Variants in ALAS1 observed in about 807,000 individuals in gnomAD.
The protein encoded by ALAS1 is 5-aminolevulinate synthase, non-specific, mitochondrial.
Under a neutral mutation model 59.6 loss-of-function variants are expected in ALAS1, and 29 were observed. The ratio of observed to expected loss-of-function variants is 0.49; its 90% CI spans 0.36 to 0.66. The LOEUF is 0.66. Among genes scored for constraint, ALAS1 ranks in the 30% least tolerant of loss-of-function variants. ALAS1 has a pLI of 0.00. For missense variants in ALAS1, 690 were observed against 807.5 expected, an observed-to-expected ratio of 0.85 and a Z score of 1.76; for synonymous variants, 299 against 296.6, an observed-to-expected ratio of 1.01 and a Z score of -0.08.
chr3:52,198,663 C>G lies in ALAS1; in HGVS notation c.-209-9C>G. ...ACCCCTACCCTCATTTGTGCCCCTCCTTTCTCAGTTATGCCCAGTTCTTCC... is the reference window on the plus strand; with the variant it reads ...ACCCCTACCCTCATTTGTGCCCCTCGTTTCTCAGTTATGCCCAGTTCTTCC... On this transcript the variant is annotated splice_polypyrimidine_tract_variant and intron_variant, in intron 1 of 11. Transcript: ENST00000484952. The G allele has an allele frequency of 1.3e-6, 1 of 780,248 alleles. No individual in the cohort carries two copies. Among genetic ancestry groups the G allele is most frequent in the East Asian group, 2.7e-5 (1 of 37,494 alleles). 48.3% of individuals were successfully genotyped at this position (780,248 alleles called of 1,614,324 possible).
rs769089852 is a variant in ALAS1, at chr3:52,204,923, G to C, written c.800+8G>C. 3 of 1,609,162 alleles carry C rather than the reference G, an allele frequency of 1.9e-6. No individual in the cohort carries two copies. The highest frequency in any genetic ancestry group is 2.6e-6 in the Non-Finnish European group (3 of 1,175,894). On this transcript the variant is annotated splice_region_variant and intron_variant, in intron 6 of 11. Transcript: ENST00000484952. The stretch of plus-strand genomic sequence containing the variant: ...GGTGTGTGGGGCAGTTATGTAAGTA[G>C]CCCTTGGCTTTCAAATATTACTGTT...
rs775885258 is a variant in ALAS1, at chr3:52,199,201, C to G, written c.-32-9C>G. The G allele has an allele frequency of 1.2e-6, 2 of 1,613,190 alleles. No individual in the cohort carries two copies. Among genetic ancestry groups the G allele is most frequent in the Non-Finnish European group, 1.7e-6 (2 of 1,179,234 alleles). On this transcript the variant is annotated splice_polypyrimidine_tract_variant and intron_variant, in intron 2 of 11. Coordinates refer to ENST00000484952, the MANE Select transcript of ALAS1 (RefSeq NM_000688.6). ...ATTATTAACAACTGTTGATGTCACT[C>G]TTCATCAGTCTTTCCACAGGAGCCA...
chr3:52,203,438 G>A lies in ALAS1; in HGVS notation c.428-425G>A, dbSNP rs548570819. Among the ~76,000 whole-genome samples the A allele has an allele frequency of 4.6e-5, 7 of 152,282 alleles. No homozygotes were observed. In the South Asian group the frequency reaches 1.5e-3, roughly 32 times the overall value. The stretch of plus-strand genomic sequence containing the variant: ...TGCCTATAGTCCCATCTTCTCAGGA[G>A]GTTGAGGAGGGAGGATCGCTTGAAC... On this transcript the variant is annotated intron_variant, in intron 4 of 11. Transcript: ENST00000484952.
chr3:52,199,001 A>G (rs1037524848), intron 2 of ALAS1, among the ~76,000 whole-genome samples, 153 bp downstream of exon 2: 7 of 152,136 alleles, frequency 4.6e-5, no homozygotes, highest in Non-Finnish European at 1.0e-4. Context: ...GCCTTTGTGT[A>G]GCGCTGGAGA....
chr3:52,203,642 A>G (rs749602784), intron 4 of ALAS1, among the ~76,000 whole-genome samples: 3 of 152,204 alleles, frequency 2.0e-5, no homozygotes, highest in Non-Finnish European at 2.9e-5. Context: ...TTTATTGTTC[A>G]TTAAAGCTGG....
At chr3:52,202,135 A>G (rs1699198920) in intron 3 of ALAS1, among the ~76,000 whole-genome samples, 1 of 152,226 alleles carries the variant, frequency 6.6e-6, no homozygotes. Context: ...GGATAACCTG[A>G]GGTCAGGAGT....
intron 7 of ALAS1, 39 bp downstream of exon 7, chr3:52,206,062 G>A: frequency 6.5e-7 from 1 of 1,533,748 alleles, no homozygotes; most frequent in Non-Finnish European, 8.8e-7. Flanking sequence ...AGTTTTTTGG[G>A]TTTCTTAGTA....
intron 8 of ALAS1, among the ~76,000 whole-genome samples, chr3:52,207,682 T>C (rs1260149175): frequency 6.6e-6 from 1 of 152,178 alleles, no homozygotes; most frequent in Non-Finnish European, 1.5e-5. Flanking sequence ...CCCTTCTTTG[T>C]GTCCATGTGT....
chr3:52,207,242 A>T (rs1699313070), intron 8 of ALAS1, among the ~76,000 whole-genome samples: 1 of 152,050 alleles, frequency 6.6e-6, no homozygotes, highest in African/African-American at 2.4e-5. Context: ...TGACCTTGTG[A>T]TCTGCCCGCC....
At position 52,200,302 on chromosome 3, in the gene ALAS1, A is replaced by T. The variant is rs77223931; in HGVS notation, c.199+862A>T. ...TTTCATCTTCCCAAACTGAAATTCTATACCCATCAAACAGTAACTCTCCAT... is the reference window on the plus strand; with the variant it reads ...TTTCATCTTCCCAAACTGAAATTCTTTACCCATCAAACAGTAACTCTCCAT... On this transcript the variant is annotated intron_variant, in intron 3 of 11. Transcript: ENST00000484952. Among the ~76,000 whole-genome samples, 10 of 152,296 alleles carry T rather than the reference A, an allele frequency of 6.6e-5. No homozygotes were observed. The South Asian group carries it at 2.1e-3, about 32-fold the overall frequency.
chr3:52,206,553 A>G lies in ALAS1; in HGVS notation c.986-19A>G. 1 of 1,607,650 alleles carries G rather than the reference A, an allele frequency of 6.2e-7. No individual in the cohort carries two copies. Among genetic ancestry groups the G allele is most frequent in the Non-Finnish European group, 8.5e-7 (1 of 1,175,722 alleles). ...GTCTTCGATGCACATGGCAATAAAT[A>G]GCATTTTTGTTGTCTTAGGCTGTGA... On this transcript the variant is annotated intron_variant, in intron 7 of 11. Transcript: ENST00000484952.
chr3:52,212,309 C>T lies in ALAS1; in HGVS notation c.1651C>T (p.His551Tyr). 1.2e-6 allele frequency: 2 copies of T among 1,614,156 alleles called. No homozygotes were observed. The highest frequency in any genetic ancestry group is 1.7e-6 in the Non-Finnish European group (2 of 1,180,028). The change falls in exon 11 of 12, where the codon CAT becomes TAT. Residue 551 changes from histidine to tyrosine, a missense_variant. His to Tyr is a moderately conservative substitution (Grantham distance 83, BLOSUM62 2). Coordinates refer to ENST00000484952, the MANE Select transcript of ALAS1 (RefSeq NM_000688.6). Reference sequence around the variant, plus strand: ...AGTCTGTGATGAACTAATGAGCAGACATAACATCTACGTGCAAGCAATCAA... The same window carrying T: ...AGTCTGTGATGAACTAATGAGCAGATATAACATCTACGTGCAAGCAATCAA... ...TEVCDELMSR[H>Y]NIYVQAINYP...
At chr3:52,200,553 A>G (rs1699167018) in intron 3 of ALAS1, among the ~76,000 whole-genome samples, 1 of 152,208 alleles carries the variant, frequency 6.6e-6, no homozygotes, top group Non-Finnish European at 1.5e-5. Context: ...GCCTGGCCAC[A>G]TGGTGAAACC....
At chr3:52,207,875 A>C (rs1699326831) in intron 8 of ALAS1, among the ~76,000 whole-genome samples, 2 of 152,222 alleles carry the variant, frequency 1.3e-5, no homozygotes, top group Middle Eastern at 3.4e-3. Context: ...ACTTTTTTCT[A>C]ATAGATTTGG....
intron 11 of ALAS1, 124 bp downstream of exon 11, chr3:52,212,544 T>C (rs765877092): frequency 7.5e-7 from 1 of 1,331,114 alleles, no homozygotes; most frequent in Non-Finnish European, 1.1e-6. Context: ...TTAGTTTTTT[T>C]TTTGAGACAA....
At chr3:52,209,503 G>A (rs573183303) in intron 9 of ALAS1, among the ~76,000 whole-genome samples, 14 of 152,146 alleles carry the variant, frequency 9.2e-5, no homozygotes, top group African/African-American at 1.7e-4. Context: ...CACCACACCC[G>A]GCCAGAAGCT....
chr3:52,212,464 T>C (rs1373573234), intron 11 of ALAS1, 44 bp downstream of exon 11: 1 of 1,608,930 alleles, frequency 6.2e-7, no homozygotes. Context: ...AGGAGTTGCA[T>C]AAAGCTGTCT....
At position 52,204,872 on chromosome 3, in the gene ALAS1, T is replaced by C. The variant is rs776213053; in HGVS notation, c.757T>C (p.Tyr253His). 2 of 1,614,150 alleles carry C rather than the reference T, an allele frequency of 1.2e-6. No homozygotes were observed. The highest frequency in any genetic ancestry group is 2.2e-5 in the South Asian group (2 of 91,088). The change falls in exon 6 of 12, where the codon TAC becomes CAC. Residue 253 changes from tyrosine to histidine, a missense_variant. Transcript: ENST00000484952. ...KQVSVWCSNDYLGMSRHPRVC... is the reference protein window; with the variant it reads ...KQVSVWCSNDHLGMSRHPRVC... ...AGTGTCAGTCTGGTGCAGTAATGAC[T>C]ACCTAGGAATGAGTCGCCACCCACG...
At chr3:52,204,051 T>A (rs1413791163) in intron 5 of ALAS1, 39 bp downstream of exon 5, 2 of 1,571,894 alleles carry the variant, frequency 1.3e-6, no homozygotes, top group South Asian at 2.3e-5. Context: ...AGAAAAGAAT[T>A]TATAATTCAA....
Sources: allele counts gnomAD v4.1 joint callset (sites outside exome capture counted in the v4.1 genomes callset), GRCh38; gene constraint gnomAD v4.1.1; transcripts MANE v1.5; gene names NCBI Gene and HGNC (gene_info 2026-07-23, HGNC 2026-07-21).